The following ZDHHC7 variants were observed in gnomAD, a reference collection of about 807,000 sequenced individuals.
ZDHHC7 encodes palmitoyltransferase ZDHHC7.
In ZDHHC7, 12 loss-of-function variants were observed where a neutral mutation model predicts 34.1. The ratio of observed to expected loss-of-function variants is 0.35; its 90% CI spans 0.23 to 0.57. ZDHHC7 has a LOEUF of 0.57. ZDHHC7 is among the 20% of genes least tolerant of loss of function. ZDHHC7 has a pLI of 0.84. For missense variants in ZDHHC7, 388 were observed against 402.7 expected (o/e 0.96, Z 0.31); for synonymous variants, 185 against 155.4 (o/e 1.19, Z -1.42).
chr16:84,997,102 C>T (rs1272670823), intron 1 of ZDHHC7, among the ~76,000 whole-genome samples: 1 of 151,474 alleles, frequency 6.6e-6, no homozygotes, highest in Non-Finnish European at 1.5e-5. Context: ...GAGTCCAGAA[C>T]ACGCACAATG....
chr16:85,005,948 A>C (rs761590755), intron 1 of ZDHHC7, among the ~76,000 whole-genome samples: 24 of 151,880 alleles, frequency 1.6e-4, no homozygotes, highest in Admixed American at 4.6e-4. Context: ...GATCCTTCTC[A>C]CCTTTCCCAC....
chr16:85,016,055 AC>A (rs996105779), upstream of ZDHHC7, among the ~76,000 whole-genome samples: 1 of 151,028 alleles, frequency 6.6e-6, no homozygotes, highest in African/African-American at 2.4e-5. Flanking sequence ...AGGCATTTCC[AC>A]CCCCCCAACC....
intron 3 of ZDHHC7, among the ~76,000 whole-genome samples, chr16:84,985,808 A>T (rs540412881): frequency 6.6e-6 from 1 of 151,996 alleles, no homozygotes; most frequent in Non-Finnish European, 1.5e-5. Flanking sequence ...TACAAAAACT[A>T]GCCGGGCATG....
chr16:85,020,979 C>G, the ZDHHC7 span, among the ~76,000 whole-genome samples: 1 of 152,066 alleles, frequency 6.6e-6, no homozygotes, highest in Non-Finnish European at 1.5e-5. Flanking sequence ...GTGGCACACA[C>G]CTGTAGTGCC....
the ZDHHC7 span, among the ~76,000 whole-genome samples, chr16:85,017,942 A>C: frequency 6.6e-6 from 1 of 152,142 alleles, no homozygotes; most frequent in Non-Finnish European, 1.5e-5. Flanking sequence ...GAAAAGGTGG[A>C]GATTTCTTGG....
intron 5 of ZDHHC7, among the ~76,000 whole-genome samples, chr16:84,978,419 T>A (rs925525629): frequency 6.6e-6 from 1 of 152,208 alleles, no homozygotes; most frequent in African/African-American, 2.4e-5. Flanking sequence ...AAGATCATAT[T>A]AGACCAAGTA....
At chr16:85,007,416 C>A (rs1339334428) in intron 1 of ZDHHC7, among the ~76,000 whole-genome samples, 19 of 134,372 alleles carry the variant, frequency 1.4e-4, no homozygotes, top group African/African-American at 5.2e-4. Context: ...GAGCGATACT[C>A]CATCTCAAAA....
At chr16:85,018,635 C>T in the ZDHHC7 span, among the ~76,000 whole-genome samples, 8 of 152,068 alleles carry the variant, frequency 5.3e-5, no homozygotes, top group South Asian at 4.2e-4. Flanking sequence ...TTAGTAGAGA[C>T]GGGGTATCTC....
the ZDHHC7 span, among the ~76,000 whole-genome samples, chr16:85,023,223 G>A: frequency 6.7e-6 from 1 of 149,794 alleles, no homozygotes; most frequent in African/African-American, 2.5e-5. Context: ...CTGGAGTGCA[G>A]TGGCGCAATT....
At position 84,979,255 on chromosome 16, in the gene ZDHHC7, A is replaced by T. The variant is rs781758062; in HGVS notation, c.471T>A (p.Asp157Glu). 1 of 1,609,986 alleles carries T rather than the reference A, an allele frequency of 6.2e-7. No homozygotes were observed. The highest frequency in any genetic ancestry group is 8.5e-7 in the Non-Finnish European group (1 of 1,179,388). Residue 157 changes from aspartate to glutamate, a missense_variant, in exon 5 of 8, where the codon GAT (aspartate) becomes GAA (glutamate). Asp to Glu is a conservative substitution (Grantham distance 45). Transcript: ENST00000313732. ...SICKRCIRKMDHHCPWVNNCV... is the reference protein window; with the variant it reads ...SICKRCIRKMEHHCPWVNNCV... The stretch of plus-strand genomic sequence containing the variant: ...AATTGTTCACCCACGGGCAGTGATG[A>T]TCCATTTTCCGAATACATCTTTTGC...
At chr16:85,013,499 T>C (rs1417540158), upstream of ZDHHC7, among the ~76,000 whole-genome samples, 2 of 152,080 alleles carry the variant, frequency 1.3e-5, no homozygotes, top group Non-Finnish European at 2.9e-5. Flanking sequence ...CACCTTGGCC[T>C]CCCAAAGTGC....
chr16:84,996,330 C>A (rs572082601), intron 1 of ZDHHC7, among the ~76,000 whole-genome samples: 1 of 152,182 alleles, frequency 6.6e-6, no homozygotes, highest in Non-Finnish European at 1.5e-5. Context: ...GTAGCCTGCA[C>A]TTCTACCGTC....
intron 1 of ZDHHC7, among the ~76,000 whole-genome samples, chr16:84,996,386 AGAC>A (rs2072576942): frequency 6.6e-6 from 1 of 152,096 alleles, no homozygotes; most frequent in Non-Finnish European, 1.5e-5. Context: ...CAGAACAGAG[AGAC>A]AGAGCACTTG....
rs902590243 is a variant in ZDHHC7 at position 84,997,963 on chromosome 16, C to T, written c.-103-1956G>A. ...AGAACTAGAAGACAGAGAGAAAACA[C>T]TGAGAAGAGAATGTAAAATAAAATT... On this transcript the variant is annotated intron_variant, in intron 1 of 7. Coordinates refer to ENST00000313732, the MANE Select transcript of ZDHHC7 (RefSeq NM_017740.3). Among the ~76,000 whole-genome samples, 3 of 145,938 alleles carry T rather than the reference C, an allele frequency of 2.1e-5. No individual in the cohort carries two copies. In the Admixed American group the frequency reaches 2.1e-4, roughly 10 times the overall value.
chr16:85,009,417 T>C (rs930819241), intron 1 of ZDHHC7, among the ~76,000 whole-genome samples: 1 of 152,060 alleles, frequency 6.6e-6, no homozygotes, highest in Non-Finnish European at 1.5e-5. Flanking sequence ...GATTTGTTTT[T>C]ACAGTTCATT....
At chr16:84,992,140 C>A (rs936736309) in intron 2 of ZDHHC7, among the ~76,000 whole-genome samples, 1 of 148,884 alleles carries the variant, frequency 6.7e-6, no homozygotes, top group African/African-American at 2.5e-5. Flanking sequence ...CACGCCACTG[C>A]ACTGGACTCA....
At chr16:84,987,499 T>C (rs1173144742) in intron 3 of ZDHHC7, among the ~76,000 whole-genome samples, 1 of 151,802 alleles carries the variant, frequency 6.6e-6, no homozygotes, top group East Asian at 1.9e-4. Context: ...TTCCATTTTC[T>C]TTTTTTTCCC....
chr16:85,019,923 C>G, the ZDHHC7 span, among the ~76,000 whole-genome samples: 1 of 152,130 alleles, frequency 6.6e-6, no homozygotes, highest in African/African-American at 2.4e-5. Context: ...TGCTGTTATA[C>G]CCCCTCGTAG....
At chr16:84,979,112 T>G in intron 5 of ZDHHC7, 77 bp downstream of exon 5, 1 of 1,425,218 alleles carries the variant, frequency 7.0e-7, no homozygotes. Context: ...CGTTAGTAGA[T>G]TTCTCTGCTC....
Sources: gnomAD v4.1 joint callset for allele counts (sites outside exome capture counted in the v4.1 genomes callset) on GRCh38, gnomAD v4.1.1 for gene constraint, MANE v1.5 for transcripts, NCBI Gene and HGNC (gene_info 2026-07-23, HGNC 2026-07-21) for gene names.